The following SCFD2 variants were observed in gnomAD, a reference collection of about 807,000 sequenced individuals.
The protein encoded by SCFD2 is sec1 family domain containing 2.
In SCFD2, 54 loss-of-function variants were observed where a neutral mutation model predicts 58.9. The ratio of observed to expected loss-of-function variants is 0.92; its 90% CI spans 0.74 to 1.15. SCFD2 has a LOEUF of 1.15. Ranked by LOEUF, SCFD2 falls within the 50% of genes most tolerant of loss-of-function variation. The pLI, the probability that SCFD2 is intolerant of heterozygous loss-of-function variation, is 0.00. For synonymous variants in SCFD2, 321 were observed against 335.9 expected (o/e 0.96, Z 0.49); for missense variants, 805 against 836.6 (o/e 0.96, Z 0.47).
At chr4:53,313,204 T>C (rs1416661321) in intron 3 of SCFD2, among the ~76,000 whole-genome samples, 1 of 152,218 alleles carries the variant, frequency 6.6e-6, no homozygotes, top group African/African-American at 2.4e-5. Flanking sequence ...GGCCAGACCA[T>C]GTCTGACTGC....
intron 5 of SCFD2, among the ~76,000 whole-genome samples, chr4:53,109,471 T>C (rs1417346534): frequency 6.6e-6 from 1 of 152,122 alleles, no homozygotes; most frequent in Non-Finnish European, 1.5e-5. Flanking sequence ...GAAAACCCCA[T>C]CGTCTCTCAG....
intron 2 of SCFD2, among the ~76,000 whole-genome samples, chr4:53,329,671 T>A (rs575324137): frequency 6.6e-6 from 1 of 151,998 alleles, no homozygotes; most frequent in Non-Finnish European, 1.5e-5. Flanking sequence ...AAGTAGAAAC[T>A]CTAAAACGCA....
At position 52,873,257 on chromosome 4, in the gene SCFD2, C is replaced by CT. The variant is rs773770934; in HGVS notation, c.*711dup. The CT allele has an allele frequency of 2.0e-5, 3 of 152,206 alleles. No homozygotes were observed. Among genetic ancestry groups the CT allele is most frequent in the Non-Finnish European group, 4.4e-5 (3 of 68,026 alleles). The allele number at this position is 152,206 out of a possible 1,614,324, so 9.4% of individuals were successfully genotyped here. On this transcript the variant is annotated 3_prime_UTR_variant, in exon 9 of 9. Coordinates refer to ENST00000401642, the MANE Select transcript of SCFD2 (RefSeq NM_152540.4). ...GGGACCAGGTATCTTGTACTGGAGT[C>CT]TTTCTTTGGAGGGGAGAAAACCTTT...
chr4:53,193,682 A>T (rs570504821), intron 4 of SCFD2, among the ~76,000 whole-genome samples: 15 of 152,192 alleles, frequency 9.9e-5, no homozygotes, highest in Non-Finnish European at 1.9e-4. Context: ...CCTCTGTTTA[A>T]GGGGGAAAAG....
At chr4:53,060,885 G>C (rs1723490709) in intron 5 of SCFD2, among the ~76,000 whole-genome samples, 1 of 152,108 alleles carries the variant, frequency 6.6e-6, no homozygotes, top group Non-Finnish European at 1.5e-5. Context: ...AAAGCATAAA[G>C]AGGTCTAGAT....
chr4:53,047,400 A>G (rs866600861), intron 5 of SCFD2, among the ~76,000 whole-genome samples: 1 of 152,210 alleles, frequency 6.6e-6, no homozygotes, highest in African/African-American at 2.4e-5. Context: ...GTGAGCCATG[A>G]TCACACCACT....
intron 5 of SCFD2, among the ~76,000 whole-genome samples, chr4:53,131,232 G>A (rs1246694808): frequency 6.6e-6 from 1 of 152,134 alleles, no homozygotes; most frequent in African/African-American, 2.4e-5. Context: ...AAGCTTAAAG[G>A]CATTAAAATA....
chr4:52,963,305 G>C (rs913127524), intron 5 of SCFD2, among the ~76,000 whole-genome samples: 4 of 152,192 alleles, frequency 2.6e-5, no homozygotes, highest in Admixed American at 2.6e-4. Context: ...GTTTTCTCCT[G>C]ATGCAACGTA....
At chr4:53,324,236 G>A (rs1230067493) in intron 2 of SCFD2, among the ~76,000 whole-genome samples, 1 of 151,902 alleles carries the variant, frequency 6.6e-6, no homozygotes, top group Non-Finnish European at 1.5e-5. Flanking sequence ...GGGCAACCTA[G>A]CAAGACCCCA....
chr4:52,994,474 G>A (rs915278103), intron 5 of SCFD2, among the ~76,000 whole-genome samples: 1 of 152,168 alleles, frequency 6.6e-6, no homozygotes, highest in Non-Finnish European at 1.5e-5. Flanking sequence ...AATAGAGGGT[G>A]GACGGCAAGC....
intron 4 of SCFD2, among the ~76,000 whole-genome samples, chr4:53,155,101 T>C (rs1430630267): frequency 6.6e-6 from 1 of 152,142 alleles, no homozygotes; most frequent in African/African-American, 2.4e-5. Flanking sequence ...ACAGCAGCAA[T>C]AGAAAATTAA....
At chr4:53,088,626 T>C (rs947219865) in intron 5 of SCFD2, among the ~76,000 whole-genome samples, 5 of 152,186 alleles carry the variant, frequency 3.3e-5, no homozygotes, top group Admixed American at 2.0e-4. Flanking sequence ...ATATGGCTTA[T>C]TTGGTTTCAC....
chr4:53,145,040 G>T (rs114777627), intron 5 of SCFD2, among the ~76,000 whole-genome samples: 1 of 152,172 alleles, frequency 6.6e-6, no homozygotes, highest in Non-Finnish European at 1.5e-5. Flanking sequence ...GTGCACATAT[G>T]AGGGATCTAG....
chr4:53,080,379 G>A (rs543160420), intron 5 of SCFD2, among the ~76,000 whole-genome samples: 10 of 152,210 alleles, frequency 6.6e-5, no homozygotes, highest in African/African-American at 2.4e-4. Context: ...TGTTTTATAG[G>A]ATATTTTGGT....
intron 5 of SCFD2, among the ~76,000 whole-genome samples, chr4:52,931,003 G>A (rs1719979970): frequency 6.6e-6 from 1 of 152,050 alleles, no homozygotes; most frequent in South Asian, 2.1e-4. Context: ...TGTAAGTGGG[G>A]GAAATGCCTG....
intron 5 of SCFD2, among the ~76,000 whole-genome samples, chr4:53,108,438 T>C (rs1725068774): frequency 6.6e-6 from 1 of 152,022 alleles, no homozygotes; most frequent in African/African-American, 2.4e-5. Context: ...AGGTGCTTTT[T>C]TTAAAAGATT....
At chr4:53,330,931 G>T (rs1733434685) in intron 2 of SCFD2, among the ~76,000 whole-genome samples, 1 of 151,464 alleles carries the variant, frequency 6.6e-6, no homozygotes, top group Admixed American at 6.6e-5. Context: ...ACAAAAAAAG[G>T]CAGGGGTTGC....
In SCFD2 at chr4:53,212,391, GTGTTT is replaced by G. The variant is rs1728642850; in HGVS notation, c.1311+61430_1311+61434del. On this transcript the variant is annotated intron_variant, in intron 4 of 8. Coordinates refer to ENST00000401642, the MANE Select transcript of SCFD2 (RefSeq NM_152540.4). The stretch of plus-strand genomic sequence containing the variant: ...ATGAAATCAATTACCTAGTCAGCAG[GTGTTT>G]GTCCATGTCACTTCCCAAACCAATA... Among the ~76,000 whole-genome samples the G allele has an allele frequency of 1.3e-5, 2 of 151,920 alleles. 1 individual carries two copies. Among genetic ancestry groups the G allele is most frequent in the African/African-American group, 4.8e-5 (2 of 41,266 alleles).
At chr4:53,268,856 C>A (rs1384574277) in intron 4 of SCFD2, among the ~76,000 whole-genome samples, 1 of 152,132 alleles carries the variant, frequency 6.6e-6, no homozygotes, top group African/African-American at 2.4e-5. Flanking sequence ...GAGGAGGCAT[C>A]CACGCCACAG....
Sources: gnomAD v4.1 joint callset for allele counts (sites outside exome capture counted in the v4.1 genomes callset) on GRCh38, gnomAD v4.1.1 for gene constraint, MANE v1.5 for transcripts, NCBI Gene and HGNC (gene_info 2026-07-23, HGNC 2026-07-21) for gene names.